Variants in ERBB4 observed in about 807,000 individuals in gnomAD.
The protein encoded by ERBB4 is erb-b2 receptor tyrosine kinase 4, also known as receptor tyrosine-protein kinase erbB-4.
A neutral mutation model predicts 158.0 loss-of-function variants in ERBB4; 42 were observed. The observed-to-expected ratio is 0.27, with a 90% CI of 0.21 to 0.34. The LOEUF is 0.34. ERBB4 is among the 10% of genes least tolerant of loss of function. The probability of loss-of-function intolerance (pLI) is 1.00; values close to 1 mark genes in which losing one functional copy is unlikely to be tolerated. For synonymous variants in ERBB4, 583 were observed against 558.7 expected, an observed-to-expected ratio of 1.04 and a Z score of -0.61; for missense variants, 1,333 against 1,624.1, an observed-to-expected ratio of 0.82 and a Z score of 3.08.
chr2:211,673,778 C>T lies in ERBB4; in HGVS notation c.1623-521G>A, dbSNP rs191060915. Among the ~76,000 whole-genome samples, 255 of 152,136 alleles carry T rather than the reference C, an allele frequency of 1.7e-3. 2 individuals carry two copies. Among genetic ancestry groups the T allele is most frequent in the African/African-American group, 5.9e-3 (246 of 41,540 alleles). On this transcript the variant is annotated intron_variant, in intron 13 of 27. Transcript: ENST00000342788. Reference sequence around the variant, plus strand: ...CAAAAACTACTTTGATTCCTCTTCTCCTTTTAAAATATCTGCCTTGGAGAA... The same window carrying T: ...CAAAAACTACTTTGATTCCTCTTCTTCTTTTAAAATATCTGCCTTGGAGAA...
chr2:212,123,402 C>CACAAA lies in ERBB4; in HGVS notation c.234+1345_234+1349dup, dbSNP rs748482439. ...AGGGCGACAGAGCAAGACTCCATCT[C>CACAAA]ACAAAACAAAACAAAACAAAACAAA... On this transcript the variant is annotated intron_variant, in intron 2 of 27. Transcript: ENST00000342788. 4.5e-4 allele frequency among the ~76,000 whole-genome samples: 68 copies of CACAAA among 152,248 alleles called. 1 individual carries two copies. Among genetic ancestry groups the CACAAA allele is most frequent in the Middle Eastern group, 3.4e-3 (1 of 294 alleles).
At chr2:212,186,143 G>A (rs1043368560) in intron 1 of ERBB4, among the ~76,000 whole-genome samples, 2 of 151,936 alleles carry the variant, frequency 1.3e-5, no homozygotes, top group Non-Finnish European at 2.9e-5. Context: ...ATTACGTTTC[G>A]ACTAAATGAG....
chr2:212,520,767 A>G (rs1447999074), intron 1 of ERBB4, among the ~76,000 whole-genome samples: 1 of 152,020 alleles, frequency 6.6e-6, no homozygotes, highest in South Asian at 2.1e-4. Context: ...GTTGCAAAAA[A>G]GCAAGCACTC....
At chr2:212,054,680 C>T (rs984417012) in intron 2 of ERBB4, among the ~76,000 whole-genome samples, 2 of 152,078 alleles carry the variant, frequency 1.3e-5, no homozygotes, top group Non-Finnish European at 2.9e-5. Flanking sequence ...AAGTAAGCTG[C>T]GTGGGGAGAG....
In ERBB4 at chr2:212,385,956, A is replaced by G. The variant is rs1560179953; in HGVS notation, c.82+152493T>C. 2.6e-5 allele frequency among the ~76,000 whole-genome samples: 4 copies of G among 151,858 alleles called. No homozygotes were observed. The South Asian group carries it at 8.3e-4, about 31-fold the overall frequency. The stretch of plus-strand genomic sequence containing the variant: ...TACTAGTATTTCTTTTTATAAAAGT[A>G]GCTTTGTTTAATATCCCCATTTTCC... On this transcript the variant is annotated intron_variant, in intron 1 of 27. Transcript: ENST00000342788.
intron 1 of ERBB4, among the ~76,000 whole-genome samples, chr2:212,511,810 T>C (rs762610411): frequency 2.0e-5 from 3 of 152,190 alleles, no homozygotes; most frequent in Non-Finnish European, 4.4e-5. Context: ...TTTAATGTCT[T>C]GCATGTAAAA....
intron 1 of ERBB4, among the ~76,000 whole-genome samples, chr2:212,504,847 A>G (rs1394323830): frequency 6.6e-6 from 1 of 152,198 alleles, no homozygotes; most frequent in Admixed American, 6.5e-5. Flanking sequence ...TTGAATAGGG[A>G]ATAAAATATG....
At chr2:211,583,891 T>C (rs1251156126) in intron 19 of ERBB4, among the ~76,000 whole-genome samples, 2 of 151,374 alleles carry the variant, frequency 1.3e-5, no homozygotes, top group African/African-American at 4.9e-5. Context: ...TCTTTTGACT[T>C]TGCCCTATAG....
chr2:212,391,610 ATAT>A (rs1419910366), intron 1 of ERBB4, among the ~76,000 whole-genome samples: 1 of 143,094 alleles, frequency 7.0e-6, no homozygotes, highest in Admixed American at 7.1e-5. Context: ...AGCAATGTGA[ATAT>A]TATATGTCAA....
In ERBB4 at chr2:212,470,649, A is replaced by T. The variant is rs116780900; in HGVS notation, c.82+67800T>A. On this transcript the variant is annotated intron_variant, in intron 1 of 27. Coordinates refer to ENST00000342788, the MANE Select transcript of ERBB4 (RefSeq NM_005235.3). Reference sequence around the variant, plus strand: ...GAAAAGCATAGATAGATGAGAAGGAAGAAGAGTGGTTTCTGGATTTTCTAG... The same window carrying T: ...GAAAAGCATAGATAGATGAGAAGGATGAAGAGTGGTTTCTGGATTTTCTAG... Among the ~76,000 whole-genome samples the T allele has an allele frequency of 8.9e-3, 1,357 of 152,252 alleles. 22 individuals carry two copies. The highest frequency in any genetic ancestry group is 0.031 in the African/African-American group (1,299 of 41,576).
At position 212,538,523 on chromosome 2, in the gene ERBB4, G is replaced by A. The variant is rs772612441; in HGVS notation, c.8C>T (p.Pro3Leu). Reference sequence around the variant, plus strand: ...CACCCAGACCCAAAGTCCTGTCGCCGGCTTCATTTTTTGGAAGTCTCAGAT... The same window carrying A: ...CACCCAGACCCAAAGTCCTGTCGCCAGCTTCATTTTTTGGAAGTCTCAGAT... Reference protein sequence around the residue: MKPATGLWVWVSL... With the variant: MKLATGLWVWVSL... Residue 3 changes from proline to leucine, a missense_variant, in exon 1 of 28, where the codon CCG becomes CTG. Coordinates refer to ENST00000342788, the MANE Select transcript of ERBB4 (RefSeq NM_005235.3). The A allele has an allele frequency of 1.9e-6, 3 of 1,614,024 alleles. No homozygotes were observed. The highest frequency in any genetic ancestry group is 1.7e-5 in the Admixed American group (1 of 60,026).
intron 1 of ERBB4, among the ~76,000 whole-genome samples, chr2:212,347,413 G>C (rs566237172): frequency 3.0e-4 from 45 of 152,150 alleles, no homozygotes; most frequent in African/African-American, 1.1e-3. Context: ...AGGGCATTGG[G>C]AATCACTAAT....
chr2:212,427,047 C>A (rs899588204), intron 1 of ERBB4, among the ~76,000 whole-genome samples: 3 of 152,048 alleles, frequency 2.0e-5, no homozygotes, highest in African/African-American at 7.2e-5. Flanking sequence ...TGTTTTACAC[C>A]ATTTTAGTAG....
intron 2 of ERBB4, among the ~76,000 whole-genome samples, chr2:212,032,424 G>GCCACATATGCAT (rs2076924028): frequency 6.6e-6 from 1 of 152,022 alleles, no homozygotes; most frequent in African/African-American, 2.4e-5. Flanking sequence ...ATATGAAAAT[G>GCCACATATGCAT]CCACATATGC....
chr2:212,276,233 A>G (rs1346183467), intron 1 of ERBB4, among the ~76,000 whole-genome samples: 1 of 151,788 alleles, frequency 6.6e-6, no homozygotes, highest in Non-Finnish European at 1.5e-5. Flanking sequence ...TAGTAGTCAA[A>G]AAGGATTTTT....
chr2:212,476,588 C>T (rs1454718419), intron 1 of ERBB4, among the ~76,000 whole-genome samples: 1 of 152,060 alleles, frequency 6.6e-6, no homozygotes, highest in East Asian at 1.9e-4. Context: ...TAGGTAGTGT[C>T]TTTGTTTAGA....
rs977066269 is a variant in ERBB4, at chr2:211,383,381, C to T, written c.*234G>A. On this transcript the variant is annotated 3_prime_UTR_variant, in exon 28 of 28. Coordinates refer to ENST00000342788, the MANE Select transcript of ERBB4 (RefSeq NM_005235.3). ...TCTCTAGCTGTTTCATTCTCCTGAC[C>T]AACCCATGCAGAGAAATGAAGAAAC... 1.5e-5 allele frequency: 8 copies of T among 534,212 alleles called. No individual in the cohort carries two copies. The highest frequency in any genetic ancestry group is 2.4e-5 in the Non-Finnish European group (7 of 297,220). The allele number at this position is 534,212 out of a possible 1,614,324, so 33.1% of individuals were successfully genotyped here. A position where few individuals can be genotyped will look rare whatever the true frequency, so the allele number is the denominator to read the frequency against.
intron 3 of ERBB4, among the ~76,000 whole-genome samples, chr2:211,946,780 C>A (rs2080711102): frequency 6.6e-6 from 1 of 151,640 alleles, no homozygotes; most frequent in African/African-American, 2.4e-5. Context: ...TGAAAAGTAA[C>A]AGTGGGATAG....
At position 211,387,047 on chromosome 2, in the gene ERBB4, C is replaced by T. The variant is rs2062700251; in HGVS notation, c.3287G>A (p.Gly1096Asp). Residue 1096 changes from glycine to aspartate, a missense_variant, in exon 27 of 28, where the codon GGT (glycine) becomes GAT (aspartate). Physicochemically the swap from Gly to Asp is moderately conservative, Grantham distance 94 (BLOSUM62 -1). Around this residue, in one of 5 missense-constraint regions of ERBB4, gnomAD observed 252 missense variants for 241.3 expected, o/e 1.04. Coordinates refer to ENST00000342788, the MANE Select transcript of ERBB4 (RefSeq NM_005235.3). ...GTCATCAAAAATCTCAGCAGTAGCA[C>T]CCTGTGCCACAGGAGCTTCTGGAAT... ...STIPEAPVAQ[G>D]ATAEIFDDSC... The T allele has an allele frequency of 1.2e-6, 2 of 1,614,044 alleles. No homozygotes were observed. The highest frequency in any genetic ancestry group is 1.1e-5 in the South Asian group (1 of 91,074).
Sources: allele counts gnomAD v4.1 joint callset (sites outside exome capture counted in the v4.1 genomes callset), GRCh38; gene constraint gnomAD v4.1.1; regional missense constraint gnomAD v4.1.1; transcripts MANE v1.5; gene names NCBI Gene and HGNC (gene_info 2026-07-23, HGNC 2026-07-21).